Variants in DCAF1 observed in about 807,000 individuals in gnomAD.
DCAF1 encodes DDB1 and CUL4 associated factor 1.
A neutral mutation model predicts 128.0 loss-of-function variants in DCAF1; 15 were observed. The ratio of observed to expected loss-of-function variants is 0.12; its 90% CI spans 0.08 to 0.18. The LOEUF (loss-of-function observed/expected upper bound fraction) is 0.18. Among genes scored for constraint, DCAF1 ranks in the 10% least tolerant of loss-of-function variants. DCAF1 has a pLI of 1.00. For synonymous variants in DCAF1, 610 were observed against 603.0 expected, an observed-to-expected ratio of 1.01 and a Z score of -0.17; for missense variants, 988 against 1,649.5, an observed-to-expected ratio of 0.60 and a Z score of 6.95.
intron 2 of DCAF1, among the ~76,000 whole-genome samples, chr3:51,489,574 G>T (rs181693101): frequency 2.0e-4 from 30 of 151,188 alleles, no homozygotes; most frequent in Admixed American, 1.8e-3. Flanking sequence ...GGATCAAGAG[G>T]TCAGGAGTTC....
At chr3:51,481,164 T>C (rs1706145956) in intron 3 of DCAF1, among the ~76,000 whole-genome samples, 1 of 152,146 alleles carries the variant, frequency 6.6e-6, no homozygotes, top group Non-Finnish European at 1.5e-5. Flanking sequence ...TACAATATTA[T>C]GAAAGTAAGC....
At chr3:51,478,662 T>C (rs1553651578) in intron 3 of DCAF1, among the ~76,000 whole-genome samples, 2 of 152,082 alleles carry the variant, frequency 1.3e-5, no homozygotes, top group African/African-American at 2.4e-5. Flanking sequence ...TTTTGTTTTG[T>C]TTTTTTAATT....
chr3:51,439,414 T>TAACGTGCCTGGCA (rs1701152544), intron 9 of DCAF1, among the ~76,000 whole-genome samples: 1 of 150,284 alleles, frequency 6.7e-6, no homozygotes. Context: ...AGGCGTGAGC[T>TAACGTGCCTGGCA]AACGTGCCTG....
At chr3:51,493,360 G>A (rs985099107) in intron 2 of DCAF1, among the ~76,000 whole-genome samples, 2 of 151,958 alleles carry the variant, frequency 1.3e-5, no homozygotes, top group African/African-American at 2.4e-5. Context: ...CAGGAGAACC[G>A]CTTGAACTCA....
intron 10 of DCAF1, among the ~76,000 whole-genome samples, chr3:51,431,075 G>A (rs932914150): frequency 5.3e-5 from 8 of 152,110 alleles, no homozygotes; most frequent in African/African-American, 1.9e-4. Flanking sequence ...AGCTACTTGC[G>A]AGGATGGTTT....
At chr3:51,431,315 C>G (rs146370649) in intron 10 of DCAF1, among the ~76,000 whole-genome samples, 1,980 of 150,538 alleles carry the variant, frequency 0.013, 20 homozygotes, top group Non-Finnish European at 0.022. Flanking sequence ...GTCAGGAGTT[C>G]AGGACCAGCC....
chr3:51,420,743 A>T lies in DCAF1; in HGVS notation c.2227T>A (p.Ser743Thr). 1.9e-6 allele frequency: 3 copies of T among 1,614,050 alleles called. No individual in the cohort carries two copies. In the South Asian group the frequency reaches 3.3e-5, roughly 18 times the overall value. The change falls in exon 15 of 25, where the codon TCC (serine) becomes ACC (threonine). Residue 743 changes from serine to threonine, a missense_variant. By Grantham distance (58) the Ser-to-Thr change is moderately conservative. Transcript: ENST00000684031. The surrounding 1 kb of genome is among the most constrained non-coding windows in gnomAD (Gnocchi z 6.5). ...NGIKVLLSLL[S>T]IKMPITDADQ... ...GCATCTGTGATGGGCATCTTAATGG[A>T]CAGTAAGGACAGGAGCACCTTGATG...
intron 2 of DCAF1, among the ~76,000 whole-genome samples, chr3:51,490,334 G>A (rs1553657386): frequency 6.6e-6 from 1 of 152,120 alleles, no homozygotes; most frequent in African/African-American, 2.4e-5. Flanking sequence ...GGTAGGCTGA[G>A]GTGGGAGAAT....
rs782600212 is a variant in DCAF1 at position 51,413,044 on chromosome 3, G to A, written c.4059C>T (p.Asn1353=). The part of the protein sequence containing the change: ...KPIATIDVKR[N]IFDLCTDTKD... Reference sequence around the variant, plus strand: ...TGGTGTCTGTACACAGGTCAAAGATGTTCCGTTTCACATCAATGGTTGCTG... The same window carrying A: ...TGGTGTCTGTACACAGGTCAAAGATATTCCGTTTCACATCAATGGTTGCTG... The change falls in exon 22 of 25, where the codon AAC becomes AAT. Residue 1353 remains asparagine, a synonymous_variant. Coordinates refer to ENST00000684031, the MANE Select transcript of DCAF1 (RefSeq NM_001387579.1). 9 of 1,613,866 alleles carry A rather than the reference G, an allele frequency of 5.6e-6. No individual in the cohort carries two copies. The highest frequency in any genetic ancestry group is 3.3e-5 in the Admixed American group (2 of 60,006).
intron 6 of DCAF1, among the ~76,000 whole-genome samples, chr3:51,460,504 C>A (rs2108011201): frequency 6.6e-6 from 1 of 152,242 alleles, no homozygotes; most frequent in East Asian, 1.9e-4. Context: ...TTTATAGATT[C>A]AATGCCATCC....
chr3:51,398,904 C>CA, intron 24 of DCAF1, 77 bp from the exon 25 acceptor site: 2 of 1,515,930 alleles, frequency 1.3e-6, no homozygotes, highest in Non-Finnish European at 1.8e-6. Context: ...CACCTGCACT[C>CA]ACATACATTC....
intron 23 of DCAF1, among the ~76,000 whole-genome samples, chr3:51,405,592 C>A (rs1577050943): frequency 6.6e-6 from 1 of 152,178 alleles, no homozygotes; most frequent in Non-Finnish European, 1.5e-5. Context: ...GTATTTAATG[C>A]CCAATGCTGA....
chr3:51,410,796 G>A (rs1698333608), intron 23 of DCAF1, among the ~76,000 whole-genome samples: 1 of 152,214 alleles, frequency 6.6e-6, no homozygotes, highest in Non-Finnish European at 1.5e-5. Flanking sequence ...CAAACTGAGG[G>A]AAGTGTACTT....
chr3:51,438,810 C>T (rs1400394533), intron 9 of DCAF1, among the ~76,000 whole-genome samples: 2 of 152,148 alleles, frequency 1.3e-5, no homozygotes, highest in African/African-American at 4.8e-5. Flanking sequence ...GGGGTTTCTC[C>T]ATGTCAGTCA....
At chr3:51,457,330 T>A (rs1045627061) in intron 6 of DCAF1, among the ~76,000 whole-genome samples, 1 of 151,852 alleles carries the variant, frequency 6.6e-6, no homozygotes, top group Admixed American at 6.6e-5. Context: ...AAGACGAAAT[T>A]AATGAAATGA....
chr3:51,483,645 G>GTC, intron 3 of DCAF1, 74 bp downstream of exon 3: 1 of 918,554 alleles, frequency 1.1e-6, no homozygotes, highest in Middle Eastern at 2.5e-4. Flanking sequence ...GTGTGTGTGT[G>GTC]TATGAAGAAA....
Position 51,413,386 on chromosome 3 carries a change from G to C in DCAF1, c.3932C>G (p.Ala1311Gly). 1 of 1,611,786 alleles carries C rather than the reference G, an allele frequency of 6.2e-7. No homozygotes were observed. The highest frequency in any genetic ancestry group is 8.5e-7 in the Non-Finnish European group (1 of 1,178,854). Residue 1311 changes from alanine to glycine, a missense_variant and splice_region_variant, in exon 21 of 25, where the codon GCT becomes GGT. By Grantham distance (60) the Ala-to-Gly change is moderately conservative. Around this residue, in one of 11 missense-constraint regions of DCAF1, gnomAD observed 85 missense variants for 204.6 expected, o/e 0.42. Coordinates refer to ENST00000684031, the MANE Select transcript of DCAF1 (RefSeq NM_001387579.1). ...FNHTGTVMYG[A>G]MLQADDEDDL... ...ATCTTCATCATCTGCCTGCAACATA[G>C]CTTGAGGGGGAGTGGGGGAGGAAAC...
rs782301666 is a variant in DCAF1, at chr3:51,427,353, A to C, written c.1847+19T>G. ...AAAAGATGCATCAAACTTCATTTGA[A>C]ATCTCTCTCTGGTCCCACCTTGCAT... On this transcript the variant is annotated intron_variant, in intron 13 of 24. Transcript: ENST00000684031. The C allele has an allele frequency of 3.0e-6, 2 of 673,330 alleles. No individual in the cohort carries two copies. Among genetic ancestry groups the C allele is most frequent in the South Asian group, 1.7e-5 (1 of 58,384 alleles). 41.7% of individuals were successfully genotyped at this position (673,330 alleles called of 1,614,324 possible).
chr3:51,454,330 T>G (rs1004967380), intron 6 of DCAF1, among the ~76,000 whole-genome samples: 5 of 152,170 alleles, frequency 3.3e-5, no homozygotes, highest in African/African-American at 1.2e-4. Context: ...ATTACAGATA[T>G]GAGCCAACTC....
Sources: allele counts gnomAD v4.1 joint callset (sites outside exome capture counted in the v4.1 genomes callset), GRCh38; gene constraint gnomAD v4.1.1; regional missense constraint gnomAD v4.1.1; non-coding constraint Gnocchi (gnomAD v3.1); transcripts MANE v1.5; gene names NCBI Gene and HGNC (gene_info 2026-07-23, HGNC 2026-07-21).